Variants in TNFRSF13B observed in about 807,000 individuals in gnomAD.
The protein encoded by TNFRSF13B is tumor necrosis factor receptor superfamily member 13B.
Under a neutral mutation model 24.0 loss-of-function variants are expected in TNFRSF13B, and 34 were observed. The ratio of observed to expected loss-of-function variants is 1.41; its 90% CI spans 1.08 to 1.88. The LOEUF (loss-of-function observed/expected upper bound fraction) is 1.88, where lower values mean the gene tolerates loss of function less well. Ranked by LOEUF, TNFRSF13B falls within the 40% of genes most tolerant of loss-of-function variation. The pLI is 0.00. For synonymous variants in TNFRSF13B, 173 were observed against 150.3 expected, an observed-to-expected ratio of 1.15 and a Z score of -1.10; for missense variants, 415 against 380.8, an observed-to-expected ratio of 1.09 and a Z score of -0.75.
rs1779196443 is a variant in TNFRSF13B at position 16,961,541 on chromosome 17, A to C, written c.62-8958T>G. On this transcript the variant is annotated intron_variant, in intron 1 of 4. Coordinates refer to ENST00000261652, the MANE Select transcript of TNFRSF13B (RefSeq NM_012452.3). ...CTTACCTGAGGGAAGTAGAAGAGGCAAATTCACAGAGTTAGAGAGTAAAAT... is the reference window on the plus strand; with the variant it reads ...CTTACCTGAGGGAAGTAGAAGAGGCCAATTCACAGAGTTAGAGAGTAAAAT... 3.3e-5 allele frequency among the ~76,000 whole-genome samples: 5 copies of C among 152,218 alleles called. No homozygotes were observed. The South Asian group carries it at 1.0e-3, about 32-fold the overall frequency.
Position 16,953,222 on chromosome 17 carries a change from A to G in TNFRSF13B, c.62-639T>C, listed in dbSNP as rs568235997. On this transcript the variant is annotated intron_variant, in intron 1 of 4. Transcript: ENST00000261652. Reference sequence around the variant, plus strand: ...AGTCCTCAGAACCTAGATAGTACTTAGGACACAGCACCTGCTCATTAAGTG... The same window carrying G: ...AGTCCTCAGAACCTAGATAGTACTTGGGACACAGCACCTGCTCATTAAGTG... 5.3e-5 allele frequency among the ~76,000 whole-genome samples: 8 copies of G among 152,338 alleles called. No individual in the cohort carries two copies. The East Asian group carries it at 1.5e-3, about 29-fold the overall frequency.
chr17:16,940,376 G>A lies in TNFRSF13B; in HGVS notation c.581C>T (p.Ser194Phe). The A allele has an allele frequency of 1.2e-6, 2 of 1,614,042 alleles. No individual in the cohort carries two copies. Among genetic ancestry groups the A allele is most frequent in the Non-Finnish European group, 1.7e-6 (2 of 1,180,026 alleles). ...CFLKKRGDPC[S>F]CQPRSRPRQS... ...ACGGGGCCTTGAGCGGGGCTGGCAG[G>A]AGCAGGGATCCCCCCTCTTCTTGAG... Residue 194 changes from serine (S) to phenylalanine (F), a missense_variant, in exon 4 of 5, where the codon TCC (serine) becomes TTC (phenylalanine). Coordinates refer to ENST00000261652, the MANE Select transcript of TNFRSF13B (RefSeq NM_012452.3).
chr17:16,940,912 CA>C (rs2087505427), intron 3 of TNFRSF13B: 6 of 1,117,658 alleles, frequency 5.4e-6, no homozygotes, highest in Non-Finnish European at 5.5e-6. Flanking sequence ...TGAGCGTTTA[CA>C]GTCGTCCCTT....
intron 1 of TNFRSF13B, among the ~76,000 whole-genome samples, chr17:16,966,842 T>C (rs1597669325): frequency 7.1e-6 from 1 of 140,272 alleles, no homozygotes; most frequent in Admixed American, 7.1e-5. Flanking sequence ...CTTTTTTCTT[T>C]TTTTTTTTTT....
At position 16,955,447 on chromosome 17, in the gene TNFRSF13B, T is replaced by C. The variant is rs536002652; in HGVS notation, c.62-2864A>G. ...TGAGAATTGTTAGAATTATAATTTA[T>C]AGCCAGAATAAAAACATCAGTAGAA... is the stretch of plus-strand genomic sequence containing the variant. On this transcript the variant is annotated intron_variant, in intron 1 of 4. Coordinates refer to ENST00000261652, the MANE Select transcript of TNFRSF13B (RefSeq NM_012452.3). Among the ~76,000 whole-genome samples the C allele has an allele frequency of 3.3e-5, 5 of 152,360 alleles. No individual in the cohort carries two copies. The South Asian group carries it at 8.3e-4, about 25-fold the overall frequency.
Position 16,939,399 on chromosome 17 carries a change from C to CTCTCTCCCTCTCTGTCTCCTCTGTT in TNFRSF13B, c.*123_*147dup. On this transcript the variant is annotated 3_prime_UTR_variant, in exon 5 of 5. Transcript: ENST00000261652. Reference sequence around the variant, plus strand: ...CCTCTGTCTCTCTCTCCCTCTGTCTCTCTCTCCCTCTCTGTCTCCTCTGTT... The same window carrying CTCTCTCCCTCTCTGTCTCCTCTGTT: ...CCTCTGTCTCTCTCTCCCTCTGTCTCTCTCTCCCTCTCTGTCTCCTCTGTTTCTCTCCCTCTCTGTCTCCTCTGTT... 2 of 952,948 alleles carry CTCTCTCCCTCTCTGTCTCCTCTGTT rather than the reference C, an allele frequency of 2.1e-6. No homozygotes were observed. Among genetic ancestry groups the CTCTCTCCCTCTCTGTCTCCTCTGTT allele is most frequent in the Admixed American group, 5.7e-5 (2 of 34,864 alleles). The allele number at this position is 952,948 out of a possible 1,614,324, so 59.0% of individuals were successfully genotyped here. A position where few individuals can be genotyped will look rare whatever the true frequency, so the allele number is the denominator to read the frequency against.
intron 2 of TNFRSF13B, among the ~76,000 whole-genome samples, chr17:16,949,986 G>A (rs1195778042): frequency 1.3e-5 from 2 of 152,074 alleles, no homozygotes; most frequent in Non-Finnish European, 2.9e-5. Context: ...ACCGCATCTG[G>A]TCTAGCCTCC....
rs1252173757 is a variant in TNFRSF13B at position 16,963,500 on chromosome 17, T to C, written c.61+8515A>G. The stretch of plus-strand genomic sequence containing the variant: ...CTGAAAGAGAAGGAACAGTAAAAGC[T>C]TGGCAGATAGGAGGAATTTCTTATC... On this transcript the variant is annotated intron_variant, in intron 1 of 4. Coordinates refer to ENST00000261652, the MANE Select transcript of TNFRSF13B (RefSeq NM_012452.3). 2.6e-5 allele frequency among the ~76,000 whole-genome samples: 4 copies of C among 152,168 alleles called. No individual in the cohort carries two copies. The East Asian group carries it at 7.7e-4, about 29-fold the overall frequency.
chr17:16,959,410 A>C (rs1229204562), intron 1 of TNFRSF13B, among the ~76,000 whole-genome samples: 1 of 151,338 alleles, frequency 6.6e-6, no homozygotes, highest in Non-Finnish European at 1.5e-5. Flanking sequence ...TAACCTAATT[A>C]TATACCTTGA....
At position 16,939,756 on chromosome 17, in the gene TNFRSF13B, C is replaced by T. The variant is rs368290908; in HGVS notation, c.673G>A (p.Glu225Lys). 14 of 1,610,604 alleles carry T rather than the reference C, an allele frequency of 8.7e-6. No homozygotes were observed. Among genetic ancestry groups the T allele is most frequent in the African/African-American group, 8.0e-5 (6 of 74,892 alleles). ...CAGAAGCTGCAGGTCTCCACTGGCT[C>T]GGGGGATGTGCTCACAGGGCTGCCG... The part of the protein sequence containing the change: ...EAGSPVSTSP[E>K]PVETCSFCFP... Residue 225 changes from glutamate (E) to lysine (K), a missense_variant, in exon 5 of 5, where the codon GAG (glutamate) becomes AAG (lysine). Transcript: ENST00000261652.
chr17:16,960,718 G>A (rs2087656611), intron 1 of TNFRSF13B, among the ~76,000 whole-genome samples: 1 of 152,122 alleles, frequency 6.6e-6, no homozygotes, highest in African/African-American at 2.4e-5. Flanking sequence ...AGCACCAAAG[G>A]CATAGGCAAT....
chr17:16,961,339 C>A (rs771218933), intron 1 of TNFRSF13B, among the ~76,000 whole-genome samples: 9 of 152,190 alleles, frequency 5.9e-5, no homozygotes, highest in African/African-American at 9.7e-5. Context: ...GTGGAAACAG[C>A]CCAATCGTTT....
intron 3 of TNFRSF13B, among the ~76,000 whole-genome samples, chr17:16,948,075 G>A (rs2087561446): frequency 1.3e-5 from 2 of 152,214 alleles, no homozygotes; most frequent in African/African-American, 4.8e-5. Context: ...TATCCTAAGT[G>A]AATTAATGCA....
intron 1 of TNFRSF13B, among the ~76,000 whole-genome samples, chr17:16,964,350 T>G (rs1205434851): frequency 6.7e-6 from 1 of 148,638 alleles, no homozygotes; most frequent in Admixed American, 6.7e-5. Context: ...TTTTTTTTTT[T>G]TTTTTTTTTG....
chr17:16,946,273 A>G (rs1016296485), intron 3 of TNFRSF13B, among the ~76,000 whole-genome samples: 4 of 152,240 alleles, frequency 2.6e-5, no homozygotes, highest in African/African-American at 9.6e-5. Flanking sequence ...CAGGAAAGTC[A>G]CTGCAAAGGA....
chr17:16,952,104 G>A (rs947183483), intron 2 of TNFRSF13B, among the ~76,000 whole-genome samples: 1 of 152,078 alleles, frequency 6.6e-6, no homozygotes, highest in African/African-American at 2.4e-5. Flanking sequence ...GACAAGGGAG[G>A]GCCTAGTTCT....
chr17:16,967,751 C>CAAAA (rs975103327), intron 1 of TNFRSF13B, among the ~76,000 whole-genome samples: 190 of 21,734 alleles, frequency 8.7e-3, no homozygotes, highest in Non-Finnish European at 0.013. Flanking sequence ...GACTCCGTCT[C>CAAAA]AAAAAAAAAA....
intron 2 of TNFRSF13B, 109 bp downstream of exon 2, chr17:16,952,337 C>T (rs2087594382): frequency 6.5e-6 from 10 of 1,529,994 alleles, no homozygotes; most frequent in African/African-American, 2.7e-5. Flanking sequence ...CTGTACATCT[C>T]CTCCTGCCAC....
chr17:16,940,458 G>A lies in TNFRSF13B; in HGVS notation c.499C>T (p.Leu167=), dbSNP rs2087501833. 1 of 1,613,758 alleles carries A rather than the reference G, an allele frequency of 6.2e-7. No homozygotes were observed. Among genetic ancestry groups the A allele is most frequent in the African/African-American group, 1.3e-5 (1 of 74,904 alleles). The change falls in exon 4 of 5, where the codon CTG becomes TTG. Residue 167 remains leucine (L), a synonymous_variant. Coordinates refer to ENST00000261652, the MANE Select transcript of TNFRSF13B (RefSeq NM_012452.3). Reference sequence around the variant, plus strand: ...AGGACGGCACACAGGCAGAGCCCCAGCGTGCTGTAGACCAGGGCCACCTGA... The same window carrying A: ...AGGACGGCACACAGGCAGAGCCCCAACGTGCTGTAGACCAGGGCCACCTGA... The part of the protein sequence containing the change: ...ADQVALVYST[L]GLCLCAVLCC...
Sources: gnomAD v4.1 joint callset for allele counts (sites outside exome capture counted in the v4.1 genomes callset) on GRCh38, gnomAD v4.1.1 for gene constraint, MANE v1.5 for transcripts, NCBI Gene and HGNC (gene_info 2026-07-23, HGNC 2026-07-21) for gene names.